Variants in GTF2E1 observed in about 807,000 individuals in gnomAD.
The protein encoded by GTF2E1 is general transcription factor IIE subunit 1, also known as TFIIE alpha subunit.
GTF2E1 carries 14 observed loss-of-function variants against 34.9 expected under a neutral mutation model. The ratio of observed to expected loss-of-function variants is 0.40; its 90% confidence interval spans 0.27 to 0.63. GTF2E1 has a LOEUF of 0.63. GTF2E1 is among the 20% of genes least tolerant of loss of function. GTF2E1 has a pLI of 0.39. For missense variants in GTF2E1, 469 were observed against 557.7 expected (o/e 0.84, Z 1.60); for synonymous variants, 188 against 192.9 (o/e 0.97, Z 0.21).
intron 2 of GTF2E1, among the ~76,000 whole-genome samples, chr3:120,763,665 A>C (rs1224144917): frequency 6.6e-6 from 1 of 152,134 alleles, no homozygotes; most frequent in Non-Finnish European, 1.5e-5. Flanking sequence ...GAAGGGGAGT[A>C]AAAAACTTGG....
chr3:120,772,035 A>G (rs897116905), intron 3 of GTF2E1, among the ~76,000 whole-genome samples: 1 of 152,114 alleles, frequency 6.6e-6, no homozygotes, highest in Non-Finnish European at 1.5e-5. Context: ...ACTCTGCTGA[A>G]CTCAGCCTGT....
At position 120,751,095 on chromosome 3, in the gene GTF2E1, T is replaced by C. The variant is rs536241856; in HGVS notation, c.448+95T>C. 29 of 755,170 alleles carry C rather than the reference T, an allele frequency of 3.8e-5. No individual in the cohort carries two copies. In the African/African-American group the frequency reaches 4.8e-4, roughly 12 times the overall value. 46.8% of individuals were successfully genotyped at this position (755,170 alleles called of 1,614,324 possible). The stretch of plus-strand genomic sequence containing the variant: ...CTAATTTTTAAACCATCATATATAT[T>C]ATTATAAAAGTGAATGGATCAGTGT... On this transcript the variant is annotated intron_variant, in intron 2 of 4. Transcript: ENST00000283875.
intron 2 of GTF2E1, among the ~76,000 whole-genome samples, chr3:120,759,633 A>T (rs898040565): frequency 6.6e-6 from 1 of 152,058 alleles, no homozygotes; most frequent in Non-Finnish European, 1.5e-5. Flanking sequence ...TAAGGAAGGG[A>T]TTCAATTTCA....
rs532597703 is a variant in GTF2E1, at chr3:120,781,790, A to G, written c.*320A>G. ...GAGTGCAATGGCGTGATCTCGGCTC[A>G]CTGCAACCTCTGCCTCCTGGGTTCA... On this transcript the variant is annotated 3_prime_UTR_variant, in exon 5 of 5. Transcript: ENST00000283875. 575 of 183,214 alleles carry G rather than the reference A, an allele frequency of 3.1e-3. 8 individuals are homozygous for G. The highest frequency in any genetic ancestry group is 0.014 in the African/African-American group (549 of 39,578). The allele number at this position is 183,214 out of a possible 1,614,324, so 11.3% of individuals were successfully genotyped here. A position where few individuals can be genotyped will look rare whatever the true frequency, so the allele number is the denominator to read the frequency against.
At chr3:120,750,238 C>T (rs1056345782) in intron 1 of GTF2E1, among the ~76,000 whole-genome samples, 3 of 152,064 alleles carry the variant, frequency 2.0e-5, no homozygotes, top group Admixed American at 6.6e-5. Context: ...TGTTTCTCTT[C>T]TGAAGTAAAG....
chr3:120,753,869 A>T (rs999660811), intron 2 of GTF2E1, among the ~76,000 whole-genome samples: 2 of 152,194 alleles, frequency 1.3e-5, no homozygotes, highest in Admixed American at 1.3e-4. Flanking sequence ...GTATAGATAC[A>T]TTATTTGTTA....
chr3:120,750,781 A>G lies in GTF2E1; in HGVS notation c.229A>G (p.Arg77Gly). The G allele has an allele frequency of 6.2e-7, 1 of 1,613,840 alleles. No homozygotes were observed. Among genetic ancestry groups the G allele is most frequent in the Non-Finnish European group, 8.5e-7 (1 of 1,179,760 alleles). ...AGACAAGTTTATCAAATGCAGAATG[A>G]GGGTAGAGACTGCTGCAGACGGGAA... ...KGDKFIKCRM[R>G]VETAADGKTT... Residue 77 changes from arginine (R) to glycine (G), a missense_variant, in exon 2 of 5, where the codon AGG (arginine) becomes GGG (glycine). By Grantham distance (125) the Arg-to-Gly change is moderately radical. Coordinates refer to ENST00000283875, the MANE Select transcript of GTF2E1 (RefSeq NM_005513.3).
At chr3:120,767,544 A>G (rs745514990) in intron 2 of GTF2E1, among the ~76,000 whole-genome samples, 1 of 152,064 alleles carries the variant, frequency 6.6e-6, no homozygotes, top group Non-Finnish European at 1.5e-5. Context: ...ATCGCACCCC[A>G]TGGAAATTGG....
chr3:120,766,147 C>A (rs1324330822), intron 2 of GTF2E1, among the ~76,000 whole-genome samples: 2 of 152,270 alleles, frequency 1.3e-5, no homozygotes, highest in East Asian at 3.9e-4. Flanking sequence ...GTGTAGGCAT[C>A]AGAATTCCTT....
chr3:120,779,798 G>C (rs901618103), intron 4 of GTF2E1, among the ~76,000 whole-genome samples: 1 of 152,156 alleles, frequency 6.6e-6, no homozygotes, highest in African/African-American at 2.4e-5. Flanking sequence ...CTGTACTTGA[G>C]AAAATTGAAG....
At position 120,780,484 on chromosome 3, in the gene GTF2E1, G is replaced by A. The variant is rs1709437584; in HGVS notation, c.893-559G>A. 2.0e-5 allele frequency among the ~76,000 whole-genome samples: 3 copies of A among 152,162 alleles called. No individual in the cohort carries two copies. In the South Asian group the frequency reaches 6.2e-4, roughly 32 times the overall value. ...TAGGAGTGTGTCTGATATGTACAAG[G>A]AATACCATGGAGGCTACTGTGGCTA... On this transcript the variant is annotated intron_variant, in intron 4 of 4. Coordinates refer to ENST00000283875, the MANE Select transcript of GTF2E1 (RefSeq NM_005513.3).
chr3:120,750,265 T>C (rs1288092680), intron 1 of GTF2E1, among the ~76,000 whole-genome samples: 1 of 152,216 alleles, frequency 6.6e-6, no homozygotes, highest in African/African-American at 2.4e-5. Flanking sequence ...TGACGTAATA[T>C]ATTGTTTTAT....
intron 4 of GTF2E1, among the ~76,000 whole-genome samples, chr3:120,780,731 C>T (rs1236185138): frequency 6.6e-6 from 1 of 152,274 alleles, no homozygotes; most frequent in Middle Eastern, 3.4e-3. Context: ...GCTTTTATCA[C>T]CTCATTTTAC....
At chr3:120,757,899 A>G (rs992126990) in intron 2 of GTF2E1, among the ~76,000 whole-genome samples, 28 of 152,256 alleles carry the variant, frequency 1.8e-4, no homozygotes, top group South Asian at 1.7e-3. Flanking sequence ...CGATAGCTCA[A>G]CACATGTAAT....
chr3:120,777,379 GTC>G (rs1015078742), intron 4 of GTF2E1, among the ~76,000 whole-genome samples: 1 of 152,116 alleles, frequency 6.6e-6, no homozygotes, highest in Non-Finnish European at 1.5e-5. Context: ...GAGGAAGGGT[GTC>G]TCTATTTCTT....
chr3:120,759,869 G>T (rs758456094), intron 2 of GTF2E1, among the ~76,000 whole-genome samples: 9 of 152,164 alleles, frequency 5.9e-5, no homozygotes. Context: ...AAGTCAGGTA[G>T]TGTGATGCCT....
chr3:120,763,741 T>G (rs1192429239), intron 2 of GTF2E1, among the ~76,000 whole-genome samples: 7 of 152,208 alleles, frequency 4.6e-5, no homozygotes. Context: ...GCTTAGATTT[T>G]GCAAAGCTCT....
intron 3 of GTF2E1, among the ~76,000 whole-genome samples, chr3:120,773,543 A>G (rs1362461414): frequency 1.3e-5 from 2 of 152,184 alleles, no homozygotes; most frequent in African/African-American, 2.4e-5. Context: ...CTATCCTTTC[A>G]GCAAGTCAAC....
At chr3:120,746,543 C>T (rs1709106835) in intron 1 of GTF2E1, among the ~76,000 whole-genome samples, 1 of 152,000 alleles carries the variant, frequency 6.6e-6, no homozygotes, top group East Asian at 1.9e-4. Context: ...CATCTGTAAT[C>T]CCAGCACTTT....
Sources: allele counts gnomAD v4.1 joint callset (sites outside exome capture counted in the v4.1 genomes callset), GRCh38; gene constraint gnomAD v4.1.1; transcripts MANE v1.5; gene names NCBI Gene and HGNC (gene_info 2026-07-23, HGNC 2026-07-21).